MAGT1: variants seen among roughly 807,000 people sequenced by gnomAD.
MAGT1 encodes magnesium transporter 1.
A neutral mutation model predicts 28.4 loss-of-function variants in MAGT1; 4 were observed. That is an observed-to-expected ratio of 0.14 (90% CI 0.07 to 0.32). MAGT1 has a LOEUF of 0.32. MAGT1 is among the 10% of genes least tolerant of loss of function. The pLI is 1.00. For missense variants in MAGT1, 193 were observed against 264.5 expected (o/e 0.73, Z 1.88); for synonymous variants, 89 against 89.7 (o/e 0.99, Z 0.04).
At chrX:77,873,502 T>C (rs2077025315) in intron 2 of MAGT1, among the ~76,000 whole-genome samples, 1 of 112,545 alleles carries the variant, frequency 8.9e-6, no homozygotes, top group African/African-American at 3.2e-5. Flanking sequence ...TTTTATTTTT[T>C]AGTATCCACC....
intron 8 of MAGT1, among the ~76,000 whole-genome samples, chrX:77,839,000 G>A (rs940252131): frequency 1.7e-4 from 19 of 109,910 alleles, no homozygotes; most frequent in Admixed American, 9.9e-5. Flanking sequence ...TGAGATTAAT[G>A]CTGATAAAAT....
intron 1 of MAGT1, among the ~76,000 whole-genome samples, chrX:77,879,859 C>T (rs1474730210): frequency 1.5e-5 from 1 of 68,648 alleles, no homozygotes; most frequent in Non-Finnish European, 2.6e-5. Context: ...TTTTTTTAGA[C>T]AGAGTCTCAC....
At chrX:77,882,765 G>C (rs2077056064) in intron 1 of MAGT1, among the ~76,000 whole-genome samples, 1 of 108,270 alleles carries the variant, frequency 9.2e-6, no homozygotes, top group Non-Finnish European at 1.9e-5. Context: ...CCTGGAGTTC[G>C]AGACCAGCCT....
At chrX:77,892,356 G>T (rs899798286) in intron 1 of MAGT1, among the ~76,000 whole-genome samples, 1 of 112,437 alleles carries the variant, frequency 8.9e-6, no homozygotes, top group Non-Finnish European at 1.9e-5. Flanking sequence ...GAGTATCATA[G>T]TAGTCTTTTT....
intron 1 of MAGT1, among the ~76,000 whole-genome samples, chrX:77,876,162 ATATTTTT>A (rs1231492523): frequency 6.6e-4 from 25 of 37,946 alleles, no homozygotes; most frequent in African/African-American, 1.1e-3. Context: ...ATATATATAT[ATATTTTT>A]TTTTTTTTTT....
At chrX:77,871,497 C>G (rs1216161497) in intron 2 of MAGT1, among the ~76,000 whole-genome samples, 1 of 111,459 alleles carries the variant, frequency 9.0e-6, no homozygotes, top group African/African-American at 3.3e-5. Flanking sequence ...CACCTGAGGT[C>G]AGGAGCTCAA....
intron 4 of MAGT1, 24 bp from the exon 5 acceptor site, chrX:77,856,897 T>C: frequency 8.5e-7 from 1 of 1,171,308 alleles, no homozygotes; most frequent in African/African-American, 1.8e-5. Context: ...GAGAAAAACA[T>C]GTTAAAGTAT....
chrX:77,882,983 T>A (rs1309999500), intron 1 of MAGT1, among the ~76,000 whole-genome samples: 1 of 100,338 alleles, frequency 1.0e-5, no homozygotes, highest in Non-Finnish European at 2.0e-5. Context: ...AAATATATAT[T>A]TATATATATA....
At chrX:77,858,937 C>T (rs781817701) in intron 3 of MAGT1, among the ~76,000 whole-genome samples, 3 of 110,637 alleles carry the variant, frequency 2.7e-5, no homozygotes, top group Non-Finnish European at 5.7e-5. Context: ...TGGCCGGGTG[C>T]GGTGGCTCAC....
intron 3 of MAGT1, among the ~76,000 whole-genome samples, chrX:77,858,987 A>G (rs1189527184): frequency 9.1e-6 from 1 of 110,314 alleles, no homozygotes; most frequent in African/African-American, 3.3e-5. Flanking sequence ...AGGTGGGCAG[A>G]TAATGAGGTC....
rs1364974889 is a variant in MAGT1 at position 77,826,230 on chromosome X, A to T, written c.*2990T>A. 1 of 112,252 alleles carries T rather than the reference A, an allele frequency of 8.9e-6. No individual in the cohort carries two copies. Among genetic ancestry groups the T allele is most frequent in the Non-Finnish European group, 1.9e-5 (1 of 53,228 alleles). 9.3% of individuals were successfully genotyped at this position (112,252 alleles called of 1,213,427 possible). ...CAGAAATACTTAAAGAAACTGTCCC[A>T]TCAAACTGTCCTTAGGACAATATGA... On this transcript the variant is annotated 3_prime_UTR_variant, in exon 10 of 10. Coordinates refer to ENST00000618282, the MANE Select transcript of MAGT1 (RefSeq NM_001367916.1).
chrX:77,846,756 T>C (rs1267990506), intron 7 of MAGT1, among the ~76,000 whole-genome samples: 1 of 111,754 alleles, frequency 8.9e-6, no homozygotes, highest in Non-Finnish European at 1.9e-5. Context: ...CAGATATTGG[T>C]GAACAGCAAA....
chrX:77,859,203 G>A (rs906886578), intron 3 of MAGT1, among the ~76,000 whole-genome samples: 2 of 111,101 alleles, frequency 1.8e-5, no homozygotes, highest in Non-Finnish European at 1.9e-5. Context: ...GCTAGACTCC[G>A]TCTCTAAATA....
At chrX:77,876,451 T>C (rs1204124787) in intron 1 of MAGT1, among the ~76,000 whole-genome samples, 1 of 109,690 alleles carries the variant, frequency 9.1e-6, no homozygotes, top group African/African-American at 3.3e-5. Context: ...ATCTTGAAAA[T>C]AAAGAGTAAA....
intron 1 of MAGT1, among the ~76,000 whole-genome samples, chrX:77,883,645 A>G (rs1247843443): frequency 2.0e-5 from 2 of 101,274 alleles, no homozygotes; most frequent in African/African-American, 7.3e-5. Flanking sequence ...TGCAGCCTCA[A>G]CCTCCCAGGC....
chrX:77,849,035 C>A (rs2076959768), intron 7 of MAGT1, among the ~76,000 whole-genome samples: 1 of 109,243 alleles, frequency 9.2e-6, no homozygotes, highest in Admixed American at 1.0e-4. Context: ...TAAAAAAAAT[C>A]CATATATATT....
chrX:77,891,065 T>G (rs948275753), intron 1 of MAGT1, among the ~76,000 whole-genome samples: 15 of 111,253 alleles, frequency 1.3e-4, no homozygotes, highest in Middle Eastern at 4.6e-3. Flanking sequence ...AGACCATGCT[T>G]CTTCATTTTT....
chrX:77,893,779 C>T (rs1284076099), intron 1 of MAGT1, among the ~76,000 whole-genome samples: 2 of 110,549 alleles, frequency 1.8e-5, no homozygotes, highest in Non-Finnish European at 3.8e-5. Context: ...TGCCGGTAGT[C>T]CTAGATATTC....
chrX:77,843,039 G>C (rs1276341432), intron 7 of MAGT1, among the ~76,000 whole-genome samples: 4 of 111,648 alleles, frequency 3.6e-5, no homozygotes, highest in Non-Finnish European at 7.5e-5. Context: ...CTGCAGTTTA[G>C]TGAATACTAA....
Sources: gnomAD v4.1 joint callset for allele counts (sites outside exome capture counted in the v4.1 genomes callset) on GRCh38, gnomAD v4.1.1 for gene constraint, MANE v1.5 for transcripts, NCBI Gene and HGNC (gene_info 2026-07-23, HGNC 2026-07-21) for gene names.